The following MOCOS variants were observed in gnomAD, a reference collection of about 807,000 sequenced individuals.
MOCOS encodes the protein molybdenum cofactor sulfurase.
MOCOS carries 86 observed loss-of-function variants against 83.6 expected under a neutral mutation model. The observed-to-expected ratio is 1.03, with a 90% CI of 0.86 to 1.23. The LOEUF (loss-of-function observed/expected upper bound fraction) is 1.23, where lower values mean the gene tolerates loss of function less well. Among genes scored for constraint, MOCOS ranks in the 50% most tolerant of loss-of-function variants. MOCOS has a pLI of 0.00. For missense variants in MOCOS, 1,120 were observed against 1,126.9 expected, an observed-to-expected ratio of 0.99 and a Z score of 0.09; for synonymous variants, 445 against 434.7, an observed-to-expected ratio of 1.02 and a Z score of -0.29.
chr18:36,260,121 G>A lies in MOCOS; in HGVS notation c.2355G>A (p.Arg785=). The part of the protein sequence containing the change: ...FRANIIINGK[R]AFEEEKWDEI... ...CCAATATTATTATCAATGGAAAAAG[G>A]GCTTTTGAAGAAGAGAAATGGGATG... The change falls in exon 13 of 15, where the codon AGG becomes AGA. Residue 785 remains arginine (R), a synonymous_variant. Transcript: ENST00000261326. 1 of 1,614,162 alleles carries A rather than the reference G, an allele frequency of 6.2e-7. No homozygotes were observed. Among genetic ancestry groups the A allele is most frequent in the Non-Finnish European group, 8.5e-7 (1 of 1,180,034 alleles).
In MOCOS at chr18:36,249,114, T is replaced by C. The variant is rs568388; in HGVS notation, c.2039+114T>C. On this transcript the variant is annotated intron_variant, in intron 10 of 14. Transcript: ENST00000261326. The stretch of plus-strand genomic sequence containing the variant: ...TTGCTACCCTTCAGTCCAGTTGCTG[T>C]CCATTTCTCCCTTGCATGCTTCTCT... 459,172 of 885,938 alleles carry C rather than the reference T, an allele frequency of 0.52. 123,425 individuals carry two copies. The highest frequency in any genetic ancestry group is 0.7 in the African/African-American group (42,078 of 60,262). The allele number at this position is 885,938 out of a possible 1,614,324, so 54.9% of individuals were successfully genotyped here.
Position 36,271,513 on chromosome 18 carries a change from C to T in MOCOS, c.*2828C>T, listed in dbSNP as rs1313108131. ...TATGGACATTTATGATTTTATGTCC[C>T]CTCCTTGGTTCTTATCTCCTGGAGT... On this transcript the variant is annotated 3_prime_UTR_variant, in exon 15 of 15. Transcript: ENST00000261326. 1 of 151,844 alleles carries T rather than the reference C, an allele frequency of 6.6e-6. No individual in the cohort carries two copies. Among genetic ancestry groups the T allele is most frequent in the African/African-American group, 2.4e-5 (1 of 41,324 alleles). 9.4% of individuals were successfully genotyped at this position (151,844 alleles called of 1,614,324 possible).
intron 9 of MOCOS, among the ~76,000 whole-genome samples, chr18:36,223,502 T>C (rs940754933): frequency 4.6e-5 from 7 of 152,228 alleles, no homozygotes; most frequent in African/African-American, 1.7e-4. Flanking sequence ...GCTATAGTGA[T>C]ATATTTTAAA....
Position 36,270,565 on chromosome 18 carries a change from T to C in MOCOS, c.*1880T>C, listed in dbSNP as rs892168372. On this transcript the variant is annotated 3_prime_UTR_variant, in exon 15 of 15. Coordinates refer to ENST00000261326, the MANE Select transcript of MOCOS (RefSeq NM_017947.4). ...CCGTCTCTACTAAAATACAAAAAAT[T>C]AGCTGGGCATGGTGGCATGCACCTG... The C allele has an allele frequency of 3.3e-5, 5 of 151,764 alleles. No individual in the cohort carries two copies. Among genetic ancestry groups the C allele is most frequent in the Admixed American group, 3.3e-4 (5 of 15,238 alleles). The allele number at this position is 151,764 out of a possible 1,614,324, so 9.4% of individuals were successfully genotyped here. A position where few individuals can be genotyped will look rare whatever the true frequency, so the allele number is the denominator to read the frequency against.
chr18:36,201,958 G>GA (rs1243278534), intron 4 of MOCOS, among the ~76,000 whole-genome samples: 3 of 152,180 alleles, frequency 2.0e-5, no homozygotes, highest in African/African-American at 7.2e-5. Context: ...AAGGGCACCT[G>GA]AAGGCCAGGA....
rs1199256755 is a variant in MOCOS at position 36,236,806 on chromosome 18, G to A, written c.1961-12116G>A. Among the ~76,000 whole-genome samples the A allele has an allele frequency of 4.1e-4, 58 of 140,420 alleles. 1 individual carries two copies. The highest frequency in any genetic ancestry group is 1.3e-3 in the East Asian group (6 of 4,734). 92.1% of individuals were successfully genotyped at this position (140,420 alleles called of 152,430 possible). On this transcript the variant is annotated intron_variant, in intron 9 of 14. Transcript: ENST00000261326. ...ATTTGTTTGTATCCTCTTTTATTTC[G>A]TTGAGCAGTGGTTTGTAGTTCTCCT...
At chr18:36,198,520 T>A in intron 2 of MOCOS, among the ~76,000 whole-genome samples, 170 bp from the exon 3 acceptor site, 1 of 152,242 alleles carries the variant, frequency 6.6e-6, no homozygotes, top group Non-Finnish European at 1.5e-5. Context: ...CAAGTCTGTA[T>A]GGACATAAGT....
At chr18:36,259,752 A>C (rs1598595483) in intron 12 of MOCOS, among the ~76,000 whole-genome samples, 1 of 152,136 alleles carries the variant, frequency 6.6e-6, no homozygotes, top group East Asian at 1.9e-4. Flanking sequence ...CTGATTTCCA[A>C]AGTCCTTCAT....
At chr18:36,205,934 T>A (rs1189398726) in intron 6 of MOCOS, among the ~76,000 whole-genome samples, 1 of 152,126 alleles carries the variant, frequency 6.6e-6, no homozygotes, top group Non-Finnish European at 1.5e-5. Context: ...GATACGGGGT[T>A]TCACCATTTT....
chr18:36,201,741 A>G (rs1277213746), intron 4 of MOCOS, among the ~76,000 whole-genome samples: 2 of 151,202 alleles, frequency 1.3e-5, no homozygotes, highest in Admixed American at 6.6e-5. Flanking sequence ...GTAGGGATCA[A>G]TGTTAGGAGG....
chr18:36,240,465 A>T (rs2144943001), intron 9 of MOCOS, among the ~76,000 whole-genome samples: 1 of 150,250 alleles, frequency 6.7e-6, no homozygotes, highest in Admixed American at 6.6e-5. Context: ...GGGGTCAGGG[A>T]CCCACTTGAG....
chr18:36,220,358 ATT>A, intron 9 of MOCOS, 141 bp downstream of exon 9: 1 of 1,106,416 alleles, frequency 9.0e-7, no homozygotes, highest in Non-Finnish European at 1.3e-6. Context: ...AAAAAAAAAA[ATT>A]ATCCTGGGTG....
intron 11 of MOCOS, among the ~76,000 whole-genome samples, chr18:36,251,934 C>T (rs189015384): frequency 2.0e-5 from 3 of 152,270 alleles, no homozygotes; most frequent in Admixed American, 6.5e-5. Flanking sequence ...TCTGCAGCAA[C>T]GTAGCAACCT....
chr18:36,202,799 A>G (rs2091419776), intron 4 of MOCOS, among the ~76,000 whole-genome samples: 2 of 152,190 alleles, frequency 1.3e-5, no homozygotes, highest in African/African-American at 4.8e-5. Flanking sequence ...CACTTTCTTC[A>G]CAAGGCAGCA....
chr18:36,220,561 A>G (rs1047086375), intron 9 of MOCOS, among the ~76,000 whole-genome samples: 2 of 152,168 alleles, frequency 1.3e-5, no homozygotes, highest in African/African-American at 4.8e-5. Flanking sequence ...GTGTCTAGGA[A>G]ACACAACAAA....
In MOCOS at chr18:36,263,032, C is replaced by T. The variant is rs560289404; in HGVS notation, c.2409+2857C>T. On this transcript the variant is annotated intron_variant, in intron 13 of 14. Transcript: ENST00000261326. ...GCTGAGGTGGGAGGATTGCTTGAGCCTGGGAAATGAAGGCTGCAGTGAGCT... is the reference window on the plus strand; with the variant it reads ...GCTGAGGTGGGAGGATTGCTTGAGCTTGGGAAATGAAGGCTGCAGTGAGCT... Among the ~76,000 whole-genome samples the T allele has an allele frequency of 7.2e-4, 110 of 152,192 alleles. No individual in the cohort carries two copies. In the South Asian group the frequency reaches 7.5e-3, roughly 10 times the overall value.
chr18:36,198,078 T>C (rs1180368119), intron 2 of MOCOS, among the ~76,000 whole-genome samples: 1 of 152,222 alleles, frequency 6.6e-6, no homozygotes, highest in Non-Finnish European at 1.5e-5. Flanking sequence ...CAGTAGTTTG[T>C]TCCTTTTTAT....
chr18:36,187,730 G>A, intron 1 of MOCOS, 49 bp downstream of exon 1: 4 of 1,251,716 alleles, frequency 3.2e-6, no homozygotes, highest in Non-Finnish European at 4.0e-6. Context: ...TGGAACCGAC[G>A]TGGACGGATC....
chr18:36,262,419 GTCAGTCAA>G (rs2091667213), intron 13 of MOCOS, among the ~76,000 whole-genome samples: 1 of 152,050 alleles, frequency 6.6e-6, no homozygotes, highest in African/African-American at 2.4e-5. Context: ...GCAAGATCCT[GTCAGTCAA>G]TCAGTCAATC....
Sources: gnomAD v4.1 joint callset for allele counts (sites outside exome capture counted in the v4.1 genomes callset) on GRCh38, gnomAD v4.1.1 for gene constraint, MANE v1.5 for transcripts, NCBI Gene and HGNC (gene_info 2026-07-23, HGNC 2026-07-21) for gene names.